EHBP1: variants seen among roughly 807,000 people sequenced by gnomAD.
EHBP1 encodes the protein EH domain binding protein 1.
Under a neutral mutation model 144.0 loss-of-function variants are expected in EHBP1, and 55 were observed. That is an observed-to-expected ratio of 0.38 (90% CI 0.31 to 0.48). The LOEUF (loss-of-function observed/expected upper bound fraction) is 0.48, where lower values mean the gene tolerates loss of function less well. Ranked by LOEUF, EHBP1 falls within the 20% of genes least tolerant of loss-of-function variation. EHBP1 has a pLI of 0.98. For missense variants in EHBP1, 1,200 were observed against 1,364.2 expected, an observed-to-expected ratio of 0.88 and a Z score of 1.90; for synonymous variants, 469 against 472.7, an observed-to-expected ratio of 0.99 and a Z score of 0.10.
At chr2:62,846,315 T>A (rs1573680868) in intron 7 of EHBP1, among the ~76,000 whole-genome samples, 2 of 152,320 alleles carry the variant, frequency 1.3e-5, no homozygotes, top group South Asian at 4.1e-4. Context: ...AGAAGGCAAT[T>A]AATATTCAAA....
At chr2:62,900,997 CT>C (rs2152945520) in intron 10 of EHBP1, among the ~76,000 whole-genome samples, 1 of 152,200 alleles carries the variant, frequency 6.6e-6, no homozygotes, top group East Asian at 1.9e-4. Context: ...TTGCCTTATA[CT>C]GTGAAGCTCA....
chr2:62,749,512 G>GGCT (rs1291137564), intron 3 of EHBP1, among the ~76,000 whole-genome samples: 3 of 152,168 alleles, frequency 2.0e-5, no homozygotes, highest in Non-Finnish European at 4.4e-5. Context: ...GTAATGGGAT[G>GGCT]GCTGGGTCAA....
intron 5 of EHBP1, among the ~76,000 whole-genome samples, chr2:62,793,081 T>A (rs1418344812): frequency 6.6e-6 from 1 of 152,144 alleles, no homozygotes; most frequent in Non-Finnish European, 1.5e-5. Context: ...TTCGAACATA[T>A]ACATGTTGTA....
Position 62,826,102 on chromosome 2 carries a change from C to A in EHBP1, c.328C>A (p.Arg110=). The change falls in exon 6 of 23, where the codon CGA becomes AGA. Residue 110 remains arginine, a synonymous_variant. Transcript: ENST00000431489. ...AATCTTCCAGGAATCCCCTTCTGGTCGAAGGAAAGCTCTTGCTACTAGCAG... is the reference window on the plus strand; with the variant it reads ...AATCTTCCAGGAATCCCCTTCTGGTAGAAGGAAAGCTCTTGCTACTAGCAG... ...FVIENESPSG[R]RKALATSSIN... is the part of the protein sequence containing the mutation. 6.8e-7 allele frequency: 1 copy of A among 1,480,274 alleles called. No individual in the cohort carries two copies. Among genetic ancestry groups the A allele is most frequent in the South Asian group, 1.5e-5 (1 of 66,340 alleles). The allele number at this position is 1,480,274 out of a possible 1,614,324, so 91.7% of individuals were successfully genotyped here.
At chr2:63,044,788 G>T in intron 21 of EHBP1, 1 of 263,752 alleles carries the variant, frequency 3.8e-6, no homozygotes, top group South Asian at 9.6e-5. Context: ...GCTGGATTCA[G>T]GTGCGCACCT....
chr2:62,717,310 T>C (rs2035779235), intron 2 of EHBP1, among the ~76,000 whole-genome samples: 1 of 152,260 alleles, frequency 6.6e-6, no homozygotes, highest in African/African-American at 2.4e-5. Context: ...TAGGCATTTC[T>C]AGAAATGTGC....
At chr2:62,776,361 A>G (rs2042053363) in intron 5 of EHBP1, among the ~76,000 whole-genome samples, 1 of 152,222 alleles carries the variant, frequency 6.6e-6, no homozygotes, top group Non-Finnish European at 1.5e-5. Context: ...TCATGTATAA[A>G]ATGATGGTAT....
At chr2:63,014,842 G>A (rs1217403729) in intron 19 of EHBP1, among the ~76,000 whole-genome samples, 2 of 152,136 alleles carry the variant, frequency 1.3e-5, no homozygotes, top group Admixed American at 1.3e-4. Flanking sequence ...GCCGAGTGTG[G>A]TGGCGCATGC....
chr2:62,942,567 C>G, intron 10 of EHBP1, 151 bp from the exon 11 acceptor site: 1 of 559,436 alleles, frequency 1.8e-6, no homozygotes, highest in East Asian at 3.3e-5. Flanking sequence ...TTTATGTCTC[C>G]CTCTTGGAGG....
chr2:62,784,322 A>G (rs1162968520), intron 5 of EHBP1, among the ~76,000 whole-genome samples: 1 of 152,186 alleles, frequency 6.6e-6, no homozygotes, highest in Non-Finnish European at 1.5e-5. Context: ...CCATTGTTCT[A>G]CTTAATTTGG....
intron 10 of EHBP1, among the ~76,000 whole-genome samples, chr2:62,879,799 C>A (rs2051239185): frequency 6.6e-6 from 1 of 151,546 alleles, no homozygotes; most frequent in Admixed American, 6.6e-5. Context: ...TTTGCAGATT[C>A]AATGCTATTT....
rs377230407 is a variant in EHBP1, at chr2:62,980,901, T to TA, written c.2608+1576dup. 2.9e-3 allele frequency among the ~76,000 whole-genome samples: 413 copies of TA among 144,812 alleles called. 1 individual carries two copies. The highest frequency in any genetic ancestry group is 4.8e-3 in the Non-Finnish European group (320 of 65,998). ...TTGCCTTCAACCAACTCACGCCCAC[T>TA]AAAAAAAAAATTTTTTTTAATTAAC... is the stretch of plus-strand genomic sequence containing the variant. On this transcript the variant is annotated intron_variant, in intron 15 of 22. Transcript: ENST00000431489.
chr2:62,905,713 A>G (rs969691373), intron 10 of EHBP1, among the ~76,000 whole-genome samples: 8 of 152,038 alleles, frequency 5.3e-5, no homozygotes, highest in Non-Finnish European at 1.2e-4. Flanking sequence ...AATCCCAGCT[A>G]CTTGGGAGGC....
At chr2:62,685,357 C>T (rs981134862) in intron 1 of EHBP1, among the ~76,000 whole-genome samples, 10 of 152,046 alleles carry the variant, frequency 6.6e-5, no homozygotes, top group African/African-American at 2.2e-4. Context: ...GAGGTGTCAG[C>T]ATTGTTGGTT....
At chr2:62,831,702 A>T (rs2046833760) in intron 7 of EHBP1, among the ~76,000 whole-genome samples, 1 of 152,190 alleles carries the variant, frequency 6.6e-6, no homozygotes, top group African/African-American at 2.4e-5. Flanking sequence ...ATAAATATTT[A>T]TTGACAATTT....
intron 9 of EHBP1, among the ~76,000 whole-genome samples, chr2:62,870,326 C>T (rs2050361471): frequency 6.6e-6 from 1 of 152,034 alleles, no homozygotes; most frequent in African/African-American, 2.4e-5. Context: ...ATTAAAGTGT[C>T]CAGAACCACA....
intron 5 of EHBP1, among the ~76,000 whole-genome samples, chr2:62,822,720 T>C (rs1421001564): frequency 6.6e-6 from 1 of 152,170 alleles, no homozygotes; most frequent in Non-Finnish European, 1.5e-5. Flanking sequence ...TATCAACACT[T>C]GGTAATGTTC....
chr2:62,704,244 GCA>G (rs1178627773), upstream of EHBP1, among the ~76,000 whole-genome samples: 1 of 152,172 alleles, frequency 6.6e-6, no homozygotes, highest in African/African-American at 2.4e-5. Flanking sequence ...TCTGTAAAAT[GCA>G]CACTGTGCTC....
At chr2:62,782,493 TG>T (rs2042506045) in intron 5 of EHBP1, among the ~76,000 whole-genome samples, 1 of 152,182 alleles carries the variant, frequency 6.6e-6, no homozygotes, top group African/African-American at 2.4e-5. Context: ...TACCTGAGAC[TG>T]GGTAATTTAT....
Sources: gnomAD v4.1 joint callset for allele counts (sites outside exome capture counted in the v4.1 genomes callset) on GRCh38, gnomAD v4.1.1 for gene constraint, MANE v1.5 for transcripts, NCBI Gene and HGNC (gene_info 2026-07-23, HGNC 2026-07-21) for gene names.